TAB2: variants seen among roughly 807,000 people sequenced by gnomAD.
The protein encoded by TAB2 is TGF-beta-activated kinase 1 and MAP3K7-binding protein 2.
TAB2 carries 3 observed loss-of-function variants against 65.0 expected under a neutral mutation model. That is an observed-to-expected ratio of 0.05 (90% confidence interval 0.02 to 0.12). The LOEUF is 0.12. TAB2 is among the 10% of genes least tolerant of loss of function. TAB2 has a pLI of 1.00. For synonymous variants in TAB2, 298 were observed against 285.1 expected, an observed-to-expected ratio of 1.05 and a Z score of -0.46; for missense variants, 623 against 840.3, an observed-to-expected ratio of 0.74 and a Z score of 3.20.
chr6:149,370,120 G>T, intron 2 of TAB2, 21 bp downstream of exon 2: 1 of 1,596,374 alleles, frequency 6.3e-7, no homozygotes, highest in South Asian at 1.1e-5. Flanking sequence ...AATGATTTCT[G>T]AATTTGTTAA....
intron 1 of TAB2, among the ~76,000 whole-genome samples, chr6:149,335,837 C>G (rs1779917451): frequency 6.6e-6 from 1 of 151,828 alleles, no homozygotes; most frequent in South Asian, 2.1e-4. Context: ...TTGAAACTTA[C>G]TCCTGAATCT....
At chr6:149,385,014 T>C (rs1178311497) in intron 3 of TAB2, among the ~76,000 whole-genome samples, 1 of 152,158 alleles carries the variant, frequency 6.6e-6, no homozygotes, top group Non-Finnish European at 1.5e-5. Context: ...AATATGGTTT[T>C]TCCTCAGTTA....
upstream of TAB2, chr6:149,317,560 T>A (rs1048851604): frequency 6.5e-6 from 1 of 153,300 alleles, no homozygotes; most frequent in Non-Finnish European, 1.5e-5. The surrounding 1 kb of genome is among the most constrained non-coding windows in gnomAD (Gnocchi z 4.7). Flanking sequence ...GTATTTTGAT[T>A]TGGACTGGGC....
chr6:149,335,582 C>G (rs1287886300), intron 1 of TAB2, among the ~76,000 whole-genome samples: 1 of 152,028 alleles, frequency 6.6e-6, no homozygotes, highest in Non-Finnish European at 1.5e-5. Context: ...CTGTATTGCA[C>G]AGGCTAGTCT....
At chr6:149,394,188 G>T (rs1358843335) in intron 3 of TAB2, among the ~76,000 whole-genome samples, 1 of 151,858 alleles carries the variant, frequency 6.6e-6, no homozygotes, top group Non-Finnish European at 1.5e-5. Context: ...TGATTCTTCT[G>T]TGTCCAGTGT....
chr6:149,391,514 A>G (rs1583152830), intron 3 of TAB2, among the ~76,000 whole-genome samples: 1 of 151,410 alleles, frequency 6.6e-6, no homozygotes, highest in South Asian at 2.1e-4. Flanking sequence ...CATCTTCAGT[A>G]TATTTCACGT....
intron 1 of TAB2, among the ~76,000 whole-genome samples, chr6:149,270,284 G>A (rs1778334872): frequency 6.6e-6 from 1 of 151,894 alleles, no homozygotes; most frequent in Non-Finnish European, 1.5e-5. Context: ...TTTTTAACTG[G>A]GCTCTATGGT....
chr6:149,356,143 T>C (rs1192935362), intron 1 of TAB2, among the ~76,000 whole-genome samples: 1 of 152,212 alleles, frequency 6.6e-6, no homozygotes. Context: ...TCCAAATGCT[T>C]ATTTCCTTCT....
intron 1 of TAB2, chr6:149,221,120 G>A (rs1238365872): frequency 6.6e-6 from 1 of 152,154 alleles, no homozygotes; most frequent in African/African-American, 2.4e-5. Context: ...CTCAAACAAA[G>A]CAGCACGTTT....
At chr6:149,259,008 G>A (rs906967475) in intron 1 of TAB2, among the ~76,000 whole-genome samples, 6 of 152,088 alleles carry the variant, frequency 3.9e-5, no homozygotes, top group African/African-American at 7.2e-5. Context: ...ACCTCTAGAC[G>A]CTAGAAAGGG....
At chr6:149,388,853 A>G (rs961787124) in intron 3 of TAB2, among the ~76,000 whole-genome samples, 6 of 151,784 alleles carry the variant, frequency 4.0e-5, no homozygotes, top group Non-Finnish European at 7.4e-5. Context: ...ACTTTTACAT[A>G]TTCAGACTTC....
intron 3 of TAB2, among the ~76,000 whole-genome samples, chr6:149,380,633 AT>A (rs934528078): frequency 4.6e-5 from 7 of 152,212 alleles, no homozygotes; most frequent in African/African-American, 1.7e-4. Context: ...TTTCTTGAAT[AT>A]TTATGCCAGT....
At chr6:149,306,326 G>A (rs779298553) in intron 1 of TAB2, among the ~76,000 whole-genome samples, 1 of 152,048 alleles carries the variant, frequency 6.6e-6, no homozygotes, top group Non-Finnish European at 1.5e-5. Flanking sequence ...TGATCACAAG[G>A]TCAGGAGATC....
At chr6:149,290,971 A>T (rs777806999) in intron 1 of TAB2, among the ~76,000 whole-genome samples, 1 of 152,184 alleles carries the variant, frequency 6.6e-6, no homozygotes, top group Non-Finnish European at 1.5e-5. Context: ...TACAGGGTAA[A>T]CCCTATTTTC....
intron 1 of TAB2, among the ~76,000 whole-genome samples, chr6:149,334,078 C>T (rs866099798): frequency 1.3e-5 from 2 of 152,088 alleles, no homozygotes; most frequent in South Asian, 4.2e-4. Context: ...AAATTTATTG[C>T]TATAAAATTA....
chr6:149,262,835 A>C (rs1182735335), intron 1 of TAB2, among the ~76,000 whole-genome samples: 1 of 151,150 alleles, frequency 6.6e-6, no homozygotes, highest in Non-Finnish European at 1.5e-5. Flanking sequence ...TTAGGGTCTC[A>C]CTCTGTCACC....
chr6:149,331,771 A>G (rs1459320890), intron 1 of TAB2, among the ~76,000 whole-genome samples: 4 of 152,152 alleles, frequency 2.6e-5, no homozygotes, highest in Admixed American at 6.5e-5. Flanking sequence ...GCTTTTTTCT[A>G]CATCAATTGA....
chr6:149,365,549 A>G (rs1463885943), intron 1 of TAB2, among the ~76,000 whole-genome samples: 1 of 152,046 alleles, frequency 6.6e-6, no homozygotes, highest in Non-Finnish European at 1.5e-5. Flanking sequence ...GCTGTTTTCA[A>G]GATTTTCTTT....
intron 1 of TAB2, among the ~76,000 whole-genome samples, chr6:149,272,434 C>A (rs1254432720): frequency 6.6e-6 from 1 of 152,160 alleles, no homozygotes; most frequent in Non-Finnish European, 1.5e-5. Context: ...AGAAGAGAAT[C>A]CACTTCTTGC....
Sources: gnomAD v4.1 joint callset for allele counts (sites outside exome capture counted in the v4.1 genomes callset) on GRCh38, gnomAD v4.1.1 for gene constraint, Gnocchi (gnomAD v3.1) non-coding constraint, MANE v1.5 for transcripts, NCBI Gene and HGNC (gene_info 2026-07-23, HGNC 2026-07-21) for gene names.